The following ABCC10 variants were observed in gnomAD, a reference collection of about 807,000 sequenced individuals.
The protein encoded by ABCC10 is ATP binding cassette subfamily C member 10.
In ABCC10, 110 loss-of-function variants were observed where a neutral mutation model predicts 143.2. The ratio of observed to expected loss-of-function variants is 0.77; its 90% confidence interval spans 0.66 to 0.90. The LOEUF (loss-of-function observed/expected upper bound fraction) is 0.90, where lower values mean the gene tolerates loss of function less well. ABCC10 is among the 40% of genes least tolerant of loss of function. The pLI is 0.00. For synonymous variants in ABCC10, 805 were observed against 846.7 expected, an observed-to-expected ratio of 0.95 and a Z score of 0.85; for missense variants, 1,700 against 1,900.5, an observed-to-expected ratio of 0.89 and a Z score of 1.96.
Position 43,449,141 on chromosome 6 carries a change from G to C in ABCC10, c.4140G>C (p.Arg1380=). The stretch of plus-strand genomic sequence containing the variant: ...ATGGTGAGCTGGGTGAGGGGGGCCG[G>C]AGCTTATCTCTTGGGCAGAGGCAGC... The part of the protein sequence containing the change: ...GLDGELGEGG[R]SLSLGQRQLL... The change falls in exon 20 of 22, where the codon CGG becomes CGC. Residue 1380 remains arginine, a synonymous_variant. Coordinates refer to ENST00000372530, the MANE Select transcript of ABCC10 (RefSeq NM_001198934.2). The C allele has an allele frequency of 6.2e-7, 1 of 1,614,214 alleles. No individual in the cohort carries two copies. Among genetic ancestry groups the C allele is most frequent in the Non-Finnish European group, 8.5e-7 (1 of 1,180,020 alleles).
chr6:43,443,199 C>T lies in ABCC10; in HGVS notation c.2416+40C>T. ...AGCCCCGTGTGAGGGAGGTGTCTGC[C>T]CAGGTCTGGCAGGGGATTGTGAAGT... On this transcript the variant is annotated intron_variant, in intron 10 of 21. Transcript: ENST00000372530. The surrounding 1 kb of genome is among the most constrained non-coding windows in gnomAD (Gnocchi z 4.2). 1 of 1,536,090 alleles carries T rather than the reference C, an allele frequency of 6.5e-7. No homozygotes were observed. Among genetic ancestry groups the T allele is most frequent in the Non-Finnish European group, 8.7e-7 (1 of 1,148,642 alleles).
intron 2 of ABCC10, among the ~76,000 whole-genome samples, chr6:43,429,062 A>G (rs1780811225): frequency 6.6e-6 from 1 of 152,206 alleles, no homozygotes; most frequent in Admixed American, 6.5e-5. Context: ...CATGTGATCA[A>G]TAGAAATTGT....
chr6:43,433,785 C>T (rs1781388619), intron 3 of ABCC10, among the ~76,000 whole-genome samples: 1 of 152,210 alleles, frequency 6.6e-6, no homozygotes, highest in African/African-American at 2.4e-5. Context: ...GCACAGACCA[C>T]CCCATGGCTG....
In ABCC10 at chr6:43,445,603, C is replaced by T; in HGVS notation, c.3035C>T (p.Pro1012Leu). ...CAATCAGCGTCCTTCTCCCAGGCAC[C>T]AGTGACTTTCTTCAATGCCACACCC... ...RRLLHRVLMA[P>L]VTFFNATPTG... is the part of the protein sequence containing the mutation. Residue 1012 changes from proline to leucine, a missense_variant, in exon 15 of 22, where the codon CCA becomes CTA. Transcript: ENST00000372530. 1.9e-6 allele frequency: 3 copies of T among 1,609,286 alleles called. No individual in the cohort carries two copies. Among genetic ancestry groups the T allele is most frequent in the African/African-American group, 1.3e-5 (1 of 74,954 alleles).
Position 43,450,356 on chromosome 6 carries a change from AT to A in ABCC10, c.*269del, listed in dbSNP as rs1783631720. 2 of 972,460 alleles carry A rather than the reference AT, an allele frequency of 2.1e-6. No homozygotes were observed. Among genetic ancestry groups the A allele is most frequent in the Non-Finnish European group, 2.9e-6 (2 of 692,404 alleles). The allele number at this position is 972,460 out of a possible 1,614,324, so 60.2% of individuals were successfully genotyped here. A position where few individuals can be genotyped will look rare whatever the true frequency, so the allele number is the denominator to read the frequency against. ...TTTTCTGGCATAGGAGCCCACTTGC[AT>A]TTTCATAGTTTTATTTGATAAAATT... On this transcript the variant is annotated 3_prime_UTR_variant, in exon 22 of 22. Transcript: ENST00000372530. The surrounding 1 kb of genome is among the most constrained non-coding windows in gnomAD (Gnocchi z 4.5).
Position 43,435,669 on chromosome 6 carries a change from C to T in ABCC10, c.1609-82C>T, listed in dbSNP as rs933605789. Reference sequence around the variant, plus strand: ...TCTGTCATTGCCCAGTTCTTCCCTCCGTAGACCTGTCCACAGGGCTTCCCA... The same window carrying T: ...TCTGTCATTGCCCAGTTCTTCCCTCTGTAGACCTGTCCACAGGGCTTCCCA... On this transcript the variant is annotated intron_variant, in intron 4 of 21. Transcript: ENST00000372530. 3.9e-5 allele frequency: 59 copies of T among 1,508,394 alleles called. No individual in the cohort carries two copies. In the South Asian group the frequency reaches 4.8e-4, roughly 12 times the overall value. 93.4% of individuals were successfully genotyped at this position (1,508,394 alleles called of 1,614,324 possible). A position where few individuals can be genotyped will look rare whatever the true frequency, so the allele number is the denominator to read the frequency against.
In ABCC10 at chr6:43,442,957, C is replaced by A; in HGVS notation, c.2227-13C>A. On this transcript the variant is annotated splice_polypyrimidine_tract_variant and intron_variant, in intron 9 of 21. Transcript: ENST00000372530. ...TGGGTCCTGGTGCCCACGGTACCCTCACGTCTCCATAGGAAAAGGAGCTCT... is the reference window on the plus strand; with the variant it reads ...TGGGTCCTGGTGCCCACGGTACCCTAACGTCTCCATAGGAAAAGGAGCTCT... 1 of 1,564,294 alleles carries A rather than the reference C, an allele frequency of 6.4e-7. No homozygotes were observed. Among genetic ancestry groups the A allele is most frequent in the Non-Finnish European group, 8.7e-7 (1 of 1,154,858 alleles).
rs756035589 is a variant in ABCC10, at chr6:43,442,953, C to T, written c.2227-17C>T. 9.7e-6 allele frequency: 15 copies of T among 1,553,750 alleles called. No individual in the cohort carries two copies. Among genetic ancestry groups the T allele is most frequent in the Non-Finnish European group, 1.2e-5 (14 of 1,149,922 alleles). ...CCTTTGGGTCCTGGTGCCCACGGTA[C>T]CCTCACGTCTCCATAGGAAAAGGAG... On this transcript the variant is annotated splice_polypyrimidine_tract_variant and intron_variant, in intron 9 of 21. Transcript: ENST00000372530.
rs1243028021 is a variant in ABCC10 at position 43,442,991 on chromosome 6, G to A, written c.2248G>A (p.Asp750Asn). ...ATAGGAAAAGGAGCTCTATCTCCTC[G>A]ATGACCCTCTGGCCGCTGTGGATGC... is the stretch of plus-strand genomic sequence containing the variant. ...VYQEKELYLL[D>N]DPLAAVDADV... is the part of the protein sequence containing the mutation. Residue 750 changes from aspartate (D) to asparagine (N), a missense_variant, in exon 10 of 22, where the codon GAT becomes AAT. Coordinates refer to ENST00000372530, the MANE Select transcript of ABCC10 (RefSeq NM_001198934.2). 7 of 1,601,354 alleles carry A rather than the reference G, an allele frequency of 4.4e-6. No homozygotes were observed. Among genetic ancestry groups the A allele is most frequent in the Non-Finnish European group, 5.1e-6 (6 of 1,174,422 alleles).
intron 18 of ABCC10, 112 bp downstream of exon 18, chr6:43,448,049 G>T (rs1459274089): frequency 1.3e-6 from 2 of 1,511,840 alleles, no homozygotes; most frequent in Admixed American, 3.9e-5. Context: ...GGGCTGATCA[G>T]GGGGCTGAAA....
At chr6:43,438,173 C>T in intron 7 of ABCC10, 160 bp downstream of exon 7, 2 of 964,020 alleles carry the variant, frequency 2.1e-6, no homozygotes, top group Non-Finnish European at 3.1e-6. Flanking sequence ...AGGAGGTGGC[C>T]AAGAAAGCGA....
chr6:43,434,956 G>C, intron 4 of ABCC10, 108 bp downstream of exon 4: 1 of 1,182,310 alleles, frequency 8.5e-7, no homozygotes, highest in Non-Finnish European at 1.2e-6. Context: ...ATCCCTGACT[G>C]CCTCATCTCT....
chr6:43,445,160 A>T lies in ABCC10; in HGVS notation c.2876A>T (p.Asn959Ile). ...TTCCCACTGCCCAAAGCTGCCCCCA[A>T]TGGCTCCTCAGACATCCGTTTCTAC... is the stretch of plus-strand genomic sequence containing the variant. ...PVFPLPKAAP[N>I]GSSDIRFYLT... Residue 959 changes from asparagine (N) to isoleucine (I), a missense_variant, in exon 14 of 22, where the codon AAT (asparagine) becomes ATT (isoleucine). By Grantham distance (149) the Asn-to-Ile change is moderately radical. Transcript: ENST00000372530. The T allele has an allele frequency of 6.2e-7, 1 of 1,613,880 alleles. No individual in the cohort carries two copies. Among genetic ancestry groups the T allele is most frequent in the Non-Finnish European group, 8.5e-7 (1 of 1,179,914 alleles).
chr6:43,444,073 A>G (rs1782760208), intron 11 of ABCC10, 63 bp downstream of exon 11: 2 of 1,608,924 alleles, frequency 1.2e-6, no homozygotes, highest in Non-Finnish European at 8.5e-7. Context: ...AGCTTTTTCT[A>G]CAACGGCTGC....
intron 2 of ABCC10, among the ~76,000 whole-genome samples, chr6:43,428,904 G>T (rs1349441513): frequency 6.6e-6 from 1 of 152,154 alleles, no homozygotes; most frequent in Admixed American, 6.5e-5. Flanking sequence ...CTTCTGAGAA[G>T]GCTGTCTATG....
intron 2 of ABCC10, among the ~76,000 whole-genome samples, chr6:43,428,701 A>G (rs898039509): frequency 6.6e-6 from 1 of 152,176 alleles, no homozygotes; most frequent in Admixed American, 6.5e-5. Flanking sequence ...TTGATTTTGT[A>G]TTTAGTTCTT....
At position 43,427,975 on chromosome 6, in the gene ABCC10, G is replaced by T; in HGVS notation, c.-4G>T. 6.2e-7 allele frequency: 1 copy of T among 1,612,126 alleles called. No individual in the cohort carries two copies. ...CCTCAACTTTCCCTTCAGGTGAGGC[G>T]TCCATGGAACGACTTCTGGCCCAGC... On this transcript the variant is annotated 5_prime_UTR_variant, in exon 2 of 22. Coordinates refer to ENST00000372530, the MANE Select transcript of ABCC10 (RefSeq NM_001198934.2).
At chr6:43,440,875 A>AC (rs1213619672) in intron 8 of ABCC10, among the ~76,000 whole-genome samples, 2 of 150,664 alleles carry the variant, frequency 1.3e-5, no homozygotes, top group African/African-American at 2.4e-5. Flanking sequence ...AAAAAAAAAA[A>AC]ATACCAGACC....
At chr6:43,435,059 A>C in intron 4 of ABCC10, 1 of 572,046 alleles carries the variant, frequency 1.7e-6, no homozygotes, top group South Asian at 2.2e-5. Context: ...CCTCTCCTCT[A>C]CCTTTCACTC....
Sources: gnomAD v4.1 joint callset for allele counts (sites outside exome capture counted in the v4.1 genomes callset) on GRCh38, gnomAD v4.1.1 for gene constraint, Gnocchi (gnomAD v3.1) non-coding constraint, MANE v1.5 for transcripts, NCBI Gene and HGNC (gene_info 2026-07-23, HGNC 2026-07-21) for gene names.